Variants in CSMD1 observed in about 807,000 individuals in gnomAD.
CSMD1 encodes the protein CUB and sushi domain-containing protein 1.
CSMD1 carries 213 observed loss-of-function variants against 417.5 expected under a neutral mutation model. The ratio of observed to expected loss-of-function variants is 0.51; its 90% confidence interval spans 0.46 to 0.57. The LOEUF (loss-of-function observed/expected upper bound fraction) is 0.57. Ranked by LOEUF, CSMD1 falls within the 20% of genes least tolerant of loss-of-function variation. The pLI is 0.00. For synonymous variants in CSMD1, 2,862 were observed against 1,736.8 expected, an observed-to-expected ratio of 1.65 and a Z score of -16.11; for missense variants, 6,923 against 4,529.7, an observed-to-expected ratio of 1.53 and a Z score of -15.17.
chr8:4,172,328 T>C (rs1186290177), intron 3 of CSMD1, among the ~76,000 whole-genome samples: 2 of 152,138 alleles, frequency 1.3e-5, no homozygotes, highest in Non-Finnish European at 2.9e-5. Flanking sequence ...GAGATATGAC[T>C]AGTGTCATTG....
At chr8:4,074,406 G>A (rs1241727016) in intron 3 of CSMD1, among the ~76,000 whole-genome samples, 2 of 152,068 alleles carry the variant, frequency 1.3e-5, no homozygotes, top group African/African-American at 2.4e-5. Context: ...CATCAAGATA[G>A]AATATATTTA....
At chr8:2,978,491 T>G (rs942855361) in intron 55 of CSMD1, 121 bp downstream of exon 55, 4 of 747,104 alleles carry the variant, frequency 5.4e-6, no homozygotes, top group Non-Finnish European at 8.5e-6. Context: ...CTCCTACAAT[T>G]GGTGATGGGA....
chr8:4,464,699 T>C (rs1373042923), intron 2 of CSMD1, among the ~76,000 whole-genome samples: 2 of 151,946 alleles, frequency 1.3e-5, no homozygotes, highest in Non-Finnish European at 2.9e-5. Flanking sequence ...AAACTCTGTA[T>C]TGTTGTGTTT....
intron 1 of CSMD1, among the ~76,000 whole-genome samples, chr8:4,795,013 G>C (rs185245741): frequency 1.4e-5 from 2 of 143,828 alleles, no homozygotes; most frequent in Non-Finnish European, 1.5e-5. Context: ...GGGTAGAAAG[G>C]TCAAAGAAAG....
chr8:4,337,273 G>A (rs1800226562), intron 3 of CSMD1, among the ~76,000 whole-genome samples: 1 of 152,026 alleles, frequency 6.6e-6, no homozygotes, highest in Non-Finnish European at 1.5e-5. Context: ...GCAACTAAAT[G>A]CTTAATTTCT....
chr8:3,853,675 G>A (rs1461965635), intron 5 of CSMD1, among the ~76,000 whole-genome samples: 1 of 151,896 alleles, frequency 6.6e-6, no homozygotes, highest in African/African-American at 2.4e-5. Flanking sequence ...TAGTGTAGAA[G>A]GTGGCAGTGT....
At chr8:3,963,285 A>G (rs1015910075) in intron 5 of CSMD1, among the ~76,000 whole-genome samples, 17 of 152,210 alleles carry the variant, frequency 1.1e-4, no homozygotes, top group Admixed American at 3.3e-4. Flanking sequence ...GAATGCATGA[A>G]AAACAAAGGT....
chr8:3,404,898 T>G (rs980403842), intron 15 of CSMD1, among the ~76,000 whole-genome samples: 2 of 152,198 alleles, frequency 1.3e-5, no homozygotes. Context: ...TGAAGCTGAA[T>G]CATTTCCAAC....
chr8:3,849,198 C>G (rs139903470), intron 5 of CSMD1, among the ~76,000 whole-genome samples: 1 of 152,116 alleles, frequency 6.6e-6, no homozygotes, highest in South Asian at 2.1e-4. Flanking sequence ...AAAAATCAAC[C>G]TGGGAATGGT....
chr8:4,433,995 G>T (rs1001995068), intron 2 of CSMD1, among the ~76,000 whole-genome samples: 97 of 152,214 alleles, frequency 6.4e-4, no homozygotes, highest in African/African-American at 2.1e-3. Flanking sequence ...TCAGCCTCAA[G>T]ATTAACAGCT....
At chr8:4,970,236 G>C (rs1397871821) in intron 1 of CSMD1, among the ~76,000 whole-genome samples, 1 of 152,064 alleles carries the variant, frequency 6.6e-6, no homozygotes, top group Non-Finnish European at 1.5e-5. Context: ...CATTCACTTT[G>C]GGAGCTGAGT....
chr8:3,488,086 GTATTATTAT>G (rs34188243), intron 11 of CSMD1, among the ~76,000 whole-genome samples: 3 of 148,234 alleles, frequency 2.0e-5, no homozygotes, highest in Non-Finnish European at 3.0e-5. Context: ...GAAACTCATA[GTATTATTAT>G]TATTATTATT....
chr8:4,250,943 T>A (rs961606331), intron 3 of CSMD1, among the ~76,000 whole-genome samples: 2 of 152,152 alleles, frequency 1.3e-5, no homozygotes, highest in Non-Finnish European at 2.9e-5. Flanking sequence ...TTTCTTCAGA[T>A]GACACGTTTC....
chr8:3,837,124 C>A (rs1021918806), intron 5 of CSMD1, among the ~76,000 whole-genome samples: 48 of 144,926 alleles, frequency 3.3e-4, no homozygotes, highest in African/African-American at 1.2e-3. Context: ...GTATTAAATG[C>A]AAAAATTGAA....
chr8:4,407,765 T>A (rs943765919), intron 3 of CSMD1, among the ~76,000 whole-genome samples: 1 of 152,200 alleles, frequency 6.6e-6, no homozygotes, highest in African/African-American at 2.4e-5. Context: ...AACAGTCAAG[T>A]AAATACAGAA....
intron 11 of CSMD1, among the ~76,000 whole-genome samples, chr8:3,469,432 C>T (rs537744690): frequency 5.2e-4 from 79 of 152,218 alleles, no homozygotes; most frequent in Admixed American, 3.0e-3. Context: ...GAACACTCCC[C>T]CCGCATATTA....
At chr8:4,060,741 C>T (rs1417129252) in intron 3 of CSMD1, among the ~76,000 whole-genome samples, 2 of 152,100 alleles carry the variant, frequency 1.3e-5, no homozygotes. Flanking sequence ...CAAAGCATCA[C>T]AGCTATTCAT....
intron 3 of CSMD1, among the ~76,000 whole-genome samples, chr8:4,365,320 G>A (rs1045158617): frequency 2.6e-5 from 4 of 152,152 alleles, no homozygotes; most frequent in African/African-American, 9.7e-5. Flanking sequence ...TCTGAAAACT[G>A]TACAACTAAT....
intron 7 of CSMD1, among the ~76,000 whole-genome samples, chr8:3,673,627 A>T (rs1799204701): frequency 6.6e-6 from 1 of 152,216 alleles, no homozygotes; most frequent in African/African-American, 2.4e-5. Context: ...TGTTTGACCT[A>T]ACGGGTGCGG....
Sources: allele counts gnomAD v4.1 joint callset (sites outside exome capture counted in the v4.1 genomes callset), GRCh38; gene constraint gnomAD v4.1.1; transcripts MANE v1.5; gene names NCBI Gene and HGNC (gene_info 2026-07-23, HGNC 2026-07-21).